C3orf70: variants seen among roughly 807,000 people sequenced by gnomAD.
C3orf70 encodes UPF0524 protein C3orf70.
A neutral mutation model predicts 20.7 loss-of-function variants in C3orf70; 15 were observed. That is an observed-to-expected ratio of 0.72 (90% CI 0.48 to 1.11). The LOEUF is 1.11. Ranked by LOEUF, C3orf70 falls within the 50% of genes most tolerant of loss-of-function variation. C3orf70 has a pLI of 0.00. For synonymous variants in C3orf70, 161 were observed against 125.7 expected, an observed-to-expected ratio of 1.28 and a Z score of -1.88; for missense variants, 332 against 317.6, an observed-to-expected ratio of 1.05 and a Z score of -0.34.
At chr3:185,089,013 A>T (rs929922375) in intron 1 of C3orf70, among the ~76,000 whole-genome samples, 1 of 152,220 alleles carries the variant, frequency 6.6e-6, no homozygotes, top group African/African-American at 2.4e-5. Context: ...TGTCTGAGAT[A>T]AAGACTTGTC....
chr3:185,088,139 G>C (rs1312473747), intron 1 of C3orf70, among the ~76,000 whole-genome samples: 2 of 152,070 alleles, frequency 1.3e-5, no homozygotes, highest in Non-Finnish European at 2.9e-5. Flanking sequence ...TCAAACTCCC[G>C]ACCTCAGGTG....
chr3:185,123,727 A>G (rs1195614902), intron 1 of C3orf70, among the ~76,000 whole-genome samples: 2 of 152,166 alleles, frequency 1.3e-5, no homozygotes, highest in African/African-American at 4.8e-5. Context: ...AATATTTATG[A>G]TTACAAAAAT....
rs16859639 is a variant in C3orf70 at position 185,117,175 on chromosome 3, A to T, written c.197-33612T>A. 7.2e-3 allele frequency among the ~76,000 whole-genome samples: 1,103 copies of T among 152,356 alleles called. 19 individuals carry two copies. Among genetic ancestry groups the T allele is most frequent in the African/African-American group, 0.025 (1,056 of 41,572 alleles). On this transcript the variant is annotated intron_variant, in intron 1 of 1. Transcript: ENST00000335012. ...TAAACAGAACCTCTATCTTACTTTT[A>T]AAATCAGCAACCTTGTCAATAAAAA... is the stretch of plus-strand genomic sequence containing the variant.
At position 185,083,388 on chromosome 3, in the gene C3orf70, A is replaced by G; in HGVS notation, c.372T>C (p.Cys124=). ...TGTCAATAAAAAGGTCTGAAATCAT[A>G]CAGTACCTCGGTGAGTCAGGGGGAA... ...PPLPPDSPRY[C]MISDLFIDNY... is the part of the protein sequence containing the mutation. The change falls in exon 2 of 2, where the codon TGT becomes TGC. Residue 124 remains cysteine (C), a synonymous_variant. Coordinates refer to ENST00000335012, the MANE Select transcript of C3orf70 (RefSeq NM_001025266.3). 6.2e-7 allele frequency: 1 copy of G among 1,614,154 alleles called. No homozygotes were observed. Among genetic ancestry groups the G allele is most frequent in the Non-Finnish European group, 8.5e-7 (1 of 1,180,042 alleles).
intron 1 of C3orf70, among the ~76,000 whole-genome samples, chr3:185,124,851 A>T (rs1716375342): frequency 6.6e-6 from 1 of 152,218 alleles, no homozygotes; most frequent in African/African-American, 2.4e-5. Context: ...GTGAGCAAAC[A>T]ATTTGAACAG....
intron 1 of C3orf70, among the ~76,000 whole-genome samples, chr3:185,129,183 T>C (rs2108601864): frequency 6.6e-6 from 1 of 152,292 alleles, no homozygotes. Flanking sequence ...ACCCAGGTAG[T>C]GAGCACAGTA....
At position 185,122,170 on chromosome 3, in the gene C3orf70, G is replaced by A. The variant is rs116538543; in HGVS notation, c.196+30458C>T. On this transcript the variant is annotated intron_variant, in intron 1 of 1. Transcript: ENST00000335012. ...AAACATTAATCAAAAGAAAGCTAGA[G>A]TGACTATATAAATATCAAAGTAGAT... is the stretch of plus-strand genomic sequence containing the variant. 7.2e-3 allele frequency among the ~76,000 whole-genome samples: 1,085 copies of A among 151,664 alleles called. 19 individuals are homozygous for A. Among genetic ancestry groups the A allele is most frequent in the African/African-American group, 0.025 (1,039 of 41,346 alleles).
intron 1 of C3orf70, among the ~76,000 whole-genome samples, chr3:185,134,767 A>C (rs1461013733): frequency 6.6e-6 from 1 of 152,170 alleles, no homozygotes; most frequent in African/African-American, 2.4e-5. Context: ...AAAGGCTCTA[A>C]AAAGGTACCT....
chr3:185,089,197 A>AT (rs138114418), intron 1 of C3orf70, among the ~76,000 whole-genome samples: 44 of 147,884 alleles, frequency 3.0e-4, no homozygotes, highest in Admixed American at 4.7e-4. Context: ...TTTTTTCCTC[A>AT]TTTTTTTTTT....
chr3:185,150,300 T>C (rs1025454250), intron 1 of C3orf70, among the ~76,000 whole-genome samples: 2 of 152,218 alleles, frequency 1.3e-5, no homozygotes, highest in Non-Finnish European at 2.9e-5. Context: ...AACAATTTTA[T>C]CAGTAACTTT....
Position 185,123,828 on chromosome 3 carries a change from T to G in C3orf70, c.196+28800A>C, listed in dbSNP as rs559009524. Reference sequence around the variant, plus strand: ...TTCTCAAATAAATCCCACTTCTAAATGTAAACAAATGTCCTTTGAAGAATT... The same window carrying G: ...TTCTCAAATAAATCCCACTTCTAAAGGTAAACAAATGTCCTTTGAAGAATT... On this transcript the variant is annotated intron_variant, in intron 1 of 1. Transcript: ENST00000335012. Among the ~76,000 whole-genome samples, 9 of 152,308 alleles carry G rather than the reference T, an allele frequency of 5.9e-5. No individual in the cohort carries two copies. The East Asian group carries it at 1.7e-3, about 29-fold the overall frequency.
At chr3:185,132,449 CAA>C (rs1716540950) in intron 1 of C3orf70, among the ~76,000 whole-genome samples, 1 of 150,738 alleles carries the variant, frequency 6.6e-6, no homozygotes, top group Non-Finnish European at 1.5e-5. Context: ...ATTAAAAACT[CAA>C]TGCATTAAAT....
chr3:185,098,750 C>T (rs1277976959), intron 1 of C3orf70, among the ~76,000 whole-genome samples: 3 of 152,164 alleles, frequency 2.0e-5, no homozygotes, highest in Admixed American at 1.3e-4. Context: ...ATGAGATTAA[C>T]ATTTAAATCA....
chr3:185,152,508 C>T (rs1717011685), intron 1 of C3orf70, 120 bp downstream of exon 1: 2 of 824,266 alleles, frequency 2.4e-6, no homozygotes, highest in East Asian at 7.0e-5. Flanking sequence ...CAGCCTCCGG[C>T]AGAGCAGCCC....
chr3:185,134,523 T>A (rs1463217835), intron 1 of C3orf70, among the ~76,000 whole-genome samples: 1 of 152,070 alleles, frequency 6.6e-6, no homozygotes, highest in Non-Finnish European at 1.5e-5. Flanking sequence ...TTTGCCAGAC[T>A]TGGGGCTAAA....
chr3:185,110,634 A>T (rs1716052332), intron 1 of C3orf70, among the ~76,000 whole-genome samples: 1 of 152,084 alleles, frequency 6.6e-6, no homozygotes, highest in African/African-American at 2.4e-5. Flanking sequence ...TGTGATGGCC[A>T]TAACGCCCAT....
rs1561323189 is a variant in C3orf70, at chr3:185,083,059, GA to G, written c.700del (p.Ser234ProfsTer9). 2.5e-6 allele frequency: 4 copies of G among 1,614,034 alleles called. No homozygotes were observed. The Admixed American group carries it at 6.7e-5, about 27-fold the overall frequency. On this transcript the variant is annotated frameshift_variant, in exon 2 of 2. Coordinates refer to ENST00000335012, the MANE Select transcript of C3orf70 (RefSeq NM_001025266.3). LOFTEE classifies it high-confidence loss of function. Reference protein sequence around the residue: ...SWEPDECTLLSPSQSDLEVIE... With the variant: ...SWEPDECTLLXPSQSDLEVIE... ...CACTTCCAGGTCAGACTGCGAGGGG[GA>G]GAGAAGGGTGCACTCATCCGGTTCC...
rs1715375797 is a variant in C3orf70 at position 185,082,942 on chromosome 3, G to C, written c.*65C>G. On this transcript the variant is annotated 3_prime_UTR_variant, in exon 2 of 2. Transcript: ENST00000335012. ...AAATATCAACAGCATTGGAAAAAAG[G>C]ATCCACCAGACAAAGGTACAAAAGC... 2 of 1,499,990 alleles carry C rather than the reference G, an allele frequency of 1.3e-6. No individual in the cohort carries two copies. Among genetic ancestry groups the C allele is most frequent in the East Asian group, 4.5e-5 (2 of 44,132 alleles). 92.9% of individuals were successfully genotyped at this position (1,499,990 alleles called of 1,614,324 possible). A position where few individuals can be genotyped will look rare whatever the true frequency, so the allele number is the denominator to read the frequency against.
intron 1 of C3orf70, among the ~76,000 whole-genome samples, chr3:185,120,326 A>C (rs1010686153): frequency 2.0e-5 from 3 of 152,194 alleles, no homozygotes; most frequent in Non-Finnish European, 4.4e-5. Flanking sequence ...AAGACGGACA[A>C]GATTCCTTTA....
Sources: allele counts gnomAD v4.1 joint callset (sites outside exome capture counted in the v4.1 genomes callset), GRCh38; gene constraint gnomAD v4.1.1; transcripts MANE v1.5; gene names NCBI Gene and HGNC (gene_info 2026-07-23, HGNC 2026-07-21).